Variants in ST6GALNAC3 observed in about 807,000 individuals in gnomAD.
ST6GALNAC3 encodes ST6 N-acetylgalactosaminide alpha-2,6-sialyltransferase 3.
In ST6GALNAC3, 25 loss-of-function variants were observed where a neutral mutation model predicts 32.7. The ratio of observed to expected loss-of-function variants is 0.76; its 90% CI spans 0.56 to 1.07. ST6GALNAC3 has a LOEUF of 1.07. ST6GALNAC3 is among the 50% of genes least tolerant of loss of function. The probability of loss-of-function intolerance (pLI) is 0.00; values close to 1 mark genes in which losing one functional copy is unlikely to be tolerated. For missense variants in ST6GALNAC3, 355 were observed against 382.4 expected (o/e 0.93, Z 0.60); for synonymous variants, 129 against 133.1 (o/e 0.97, Z 0.21).
intron 1 of ST6GALNAC3, among the ~76,000 whole-genome samples, chr1:76,174,933 G>A (rs1652757334): frequency 1.3e-5 from 2 of 152,022 alleles, no homozygotes; most frequent in South Asian, 4.1e-4. Context: ...CTTCCAAAGT[G>A]CTGGGATTAC....
chr1:76,169,525 C>G (rs1438267956), intron 1 of ST6GALNAC3, among the ~76,000 whole-genome samples: 2 of 152,148 alleles, frequency 1.3e-5, no homozygotes, highest in African/African-American at 2.4e-5. Context: ...AGGAAGTTCT[C>G]ATGCATGATG....
intron 1 of ST6GALNAC3, among the ~76,000 whole-genome samples, chr1:76,261,141 C>T (rs1457161153): frequency 2.6e-5 from 4 of 152,070 alleles, no homozygotes; most frequent in African/African-American, 7.2e-5. Flanking sequence ...CTATTATCTT[C>T]ATGATGCACA....
At chr1:76,297,532 T>C (rs1660474335) in intron 1 of ST6GALNAC3, among the ~76,000 whole-genome samples, 2 of 152,072 alleles carry the variant, frequency 1.3e-5, no homozygotes, top group Admixed American at 1.3e-4. Context: ...GATATCCTTG[T>C]GGTATAATGG....
At chr1:76,398,014 A>G (rs1376949232) in intron 2 of ST6GALNAC3, among the ~76,000 whole-genome samples, 1 of 152,040 alleles carries the variant, frequency 6.6e-6, no homozygotes, top group Non-Finnish European at 1.5e-5. Context: ...CTGTGATTAC[A>G]TGGAGTAGAG....
chr1:76,334,910 T>C (rs115158371), intron 2 of ST6GALNAC3, among the ~76,000 whole-genome samples: 280 of 152,294 alleles, frequency 1.8e-3, no homozygotes, highest in African/African-American at 6.4e-3. Flanking sequence ...AGAATATGCA[T>C]AACTCCTGGG....
intron 2 of ST6GALNAC3, among the ~76,000 whole-genome samples, chr1:76,362,295 T>A (rs1650025622): frequency 6.6e-6 from 1 of 152,130 alleles, no homozygotes; most frequent in Admixed American, 6.6e-5. Context: ...CAGGAGAAAC[T>A]GCTCCCATGG....
rs116378236 is a variant in ST6GALNAC3, at chr1:76,221,466, C to T, written c.19-92339C>T. Among the ~76,000 whole-genome samples the T allele has an allele frequency of 5.2e-3, 795 of 152,126 alleles. 10 individuals carry two copies. Among genetic ancestry groups the T allele is most frequent in the African/African-American group, 0.017 (719 of 41,516 alleles). ...AAGGTAGACATTTGAGATTACATAC[C>T]GTAAAATACCGTGGAAAATAACTGT... On this transcript the variant is annotated intron_variant, in intron 1 of 4. Coordinates refer to ENST00000328299, the MANE Select transcript of ST6GALNAC3 (RefSeq NM_152996.4).
chr1:76,194,840 C>T (rs66981034), intron 1 of ST6GALNAC3, among the ~76,000 whole-genome samples: 12,797 of 152,182 alleles, frequency 0.084, 593 homozygotes, highest in African/African-American at 0.12. Flanking sequence ...AAATCTGAAA[C>T]GGAATCAATG....
chr1:76,504,876 A>T (rs1011356968), intron 3 of ST6GALNAC3, among the ~76,000 whole-genome samples: 21 of 152,084 alleles, frequency 1.4e-4, no homozygotes, highest in Non-Finnish European at 1.3e-4. Context: ...ATGCACTGTC[A>T]TTTTTTTCTA....
chr1:76,328,978 T>G (rs1457751091), intron 2 of ST6GALNAC3, among the ~76,000 whole-genome samples: 1 of 152,162 alleles, frequency 6.6e-6, no homozygotes, highest in Non-Finnish European at 1.5e-5. Context: ...TCAATTTGCT[T>G]ATTTGCTTCT....
intron 2 of ST6GALNAC3, among the ~76,000 whole-genome samples, chr1:76,370,160 G>A (rs1650705588): frequency 1.3e-5 from 2 of 152,132 alleles, no homozygotes; most frequent in Admixed American, 6.6e-5. Flanking sequence ...GCACTAGGAA[G>A]CTACTTCATT....
At chr1:76,444,804 C>T (rs965645071) in intron 3 of ST6GALNAC3, among the ~76,000 whole-genome samples, 1 of 152,162 alleles carries the variant, frequency 6.6e-6, no homozygotes, top group Non-Finnish European at 1.5e-5. Context: ...TATGTCCTCT[C>T]CTTGTTAGAC....
At chr1:76,543,024 C>A (rs1014718564) in intron 3 of ST6GALNAC3, among the ~76,000 whole-genome samples, 1 of 152,188 alleles carries the variant, frequency 6.6e-6, no homozygotes, top group African/African-American at 2.4e-5. Context: ...AATGCCTAAG[C>A]TGTAAACAGC....
At chr1:76,258,629 GACTTGATTAA>G (rs1658053881) in intron 1 of ST6GALNAC3, among the ~76,000 whole-genome samples, 1 of 152,148 alleles carries the variant, frequency 6.6e-6, no homozygotes, top group South Asian at 2.1e-4. Context: ...AATGATCTCT[GACTTGATTAA>G]ACTTCTTTTG....
chr1:76,612,826 G>A (rs1648023106), intron 3 of ST6GALNAC3, among the ~76,000 whole-genome samples: 1 of 152,214 alleles, frequency 6.6e-6, no homozygotes, highest in African/African-American at 2.4e-5. Context: ...GAAGTGGCAA[G>A]TCCAAAGCCA....
chr1:76,495,003 C>T (rs565935690), intron 3 of ST6GALNAC3, among the ~76,000 whole-genome samples: 1 of 152,224 alleles, frequency 6.6e-6, no homozygotes, highest in Admixed American at 6.5e-5. Context: ...TTCCCTCTTA[C>T]TCATGAGAAG....
chr1:76,295,665 A>G (rs1660359433), intron 1 of ST6GALNAC3, among the ~76,000 whole-genome samples: 1 of 152,128 alleles, frequency 6.6e-6, no homozygotes, highest in Non-Finnish European at 1.5e-5. Context: ...TACAAATTTT[A>G]GGTGGCACAG....
At chr1:76,171,203 C>T (rs2100419458) in intron 1 of ST6GALNAC3, among the ~76,000 whole-genome samples, 1 of 152,080 alleles carries the variant, frequency 6.6e-6, no homozygotes, top group African/African-American at 2.4e-5. Flanking sequence ...TTGCAACTGA[C>T]AGCTACCTCC....
chr1:76,446,652 G>A (rs889598819), intron 3 of ST6GALNAC3, among the ~76,000 whole-genome samples: 14 of 152,146 alleles, frequency 9.2e-5, no homozygotes, highest in Non-Finnish European at 2.1e-4. Context: ...GGGACCCAGT[G>A]GGAGGTGATT....
Sources: gnomAD v4.1 joint callset for allele counts (sites outside exome capture counted in the v4.1 genomes callset) on GRCh38, gnomAD v4.1.1 for gene constraint, MANE v1.5 for transcripts, NCBI Gene and HGNC (gene_info 2026-07-23, HGNC 2026-07-21) for gene names.